Variants in PRH1 observed in about 807,000 individuals in gnomAD.
PRH1 encodes the protein salivary acidic proline-rich phosphoprotein 1/2.
A neutral mutation model predicts 7.9 loss-of-function variants in PRH1; 7 were observed. The ratio of observed to expected loss-of-function variants is 0.89; its 90% CI spans 0.50 to 1.67. PRH1 has a LOEUF of 1.67. PRH1 is among the 40% of genes most tolerant of loss of function. The pLI is 0.00. For synonymous variants in PRH1, 45 were observed against 80.8 expected (o/e 0.56, Z 2.38); for missense variants, 109 against 223.6 (o/e 0.49, Z 3.27).
At chr12:11,106,324 G>C (rs1398920001) in intron 1 of PRH1, among the ~76,000 whole-genome samples, 1 of 152,138 alleles carries the variant, frequency 6.6e-6, no homozygotes, top group Admixed American at 6.5e-5. Flanking sequence ...AGAAGAAATT[G>C]TTGTCCTATA....
intron 2 of PRH1, among the ~76,000 whole-genome samples, chr12:10,901,314 C>G (rs1591659996): frequency 1.3e-5 from 2 of 152,208 alleles, no homozygotes; most frequent in East Asian, 3.8e-4. Flanking sequence ...AGAGCCCCCA[C>G]TCTCCTGGAT....
At chr12:11,147,704 T>C (rs930789867) in intron 1 of PRH1, among the ~76,000 whole-genome samples, 3 of 152,238 alleles carry the variant, frequency 2.0e-5, no homozygotes, top group African/African-American at 7.2e-5. Context: ...TTTATATTGC[T>C]TGTCCTATTA....
At chr12:10,895,447 G>A (rs1312004925) in intron 2 of PRH1, 2 of 152,178 alleles carry the variant, frequency 1.3e-5, no homozygotes, top group African/African-American at 4.8e-5. Flanking sequence ...CCTTCAGAAT[G>A]GAAGTTGTGC....
intron 1 of PRH1, among the ~76,000 whole-genome samples, chr12:11,063,923 GAAT>G (rs1242826903): frequency 4.6e-5 from 7 of 151,876 alleles, no homozygotes; most frequent in African/African-American, 9.7e-5. Context: ...ATAATGAGAT[GAAT>G]AATAATAATT....
intron 1 of PRH1, among the ~76,000 whole-genome samples, chr12:11,099,380 C>A (rs994847389): frequency 6.6e-6 from 1 of 151,984 alleles, no homozygotes; most frequent in Non-Finnish European, 1.5e-5. Context: ...TCCAAGATGC[C>A]GAATTTGGCC....
At chr12:11,035,163 T>A (rs997157973) in intron 1 of PRH1, among the ~76,000 whole-genome samples, 3 of 151,984 alleles carry the variant, frequency 2.0e-5, no homozygotes, top group African/African-American at 7.2e-5. Context: ...GTTTTAGTTA[T>A]CGTGTCTGAA....
intron 1 of PRH1, among the ~76,000 whole-genome samples, chr12:11,069,067 A>G (rs796870911): frequency 0.51 from 55,342 of 109,270 alleles, 12,107 homozygotes; most frequent in Non-Finnish European, 0.59. Context: ...GCAGGTGGAC[A>G]CCACCTCACC....
chr12:10,948,515 T>A (rs1412525915), intron 2 of PRH1, among the ~76,000 whole-genome samples: 6 of 152,206 alleles, frequency 3.9e-5, no homozygotes, highest in Non-Finnish European at 8.8e-5. Context: ...TATTTCATCC[T>A]TCAGCTCCTG....
downstream of PRH1, among the ~76,000 whole-genome samples, chr12:11,117,732 T>C (rs140832746): frequency 1.3e-5 from 2 of 152,190 alleles, no homozygotes; most frequent in African/African-American, 4.8e-5. Context: ...CATAGAACGA[T>C]GGAACAGAAC....
At chr12:10,899,579 T>G in intron 2 of PRH1, among the ~76,000 whole-genome samples, 1 of 152,200 alleles carries the variant, frequency 6.6e-6, no homozygotes, top group East Asian at 1.9e-4. Flanking sequence ...GATGCCCCTT[T>G]GGTTTATTCT....
intron 1 of PRH1, among the ~76,000 whole-genome samples, chr12:10,993,554 T>C (rs944216907): frequency 6.6e-6 from 1 of 152,164 alleles, no homozygotes; most frequent in Non-Finnish European, 1.5e-5. Flanking sequence ...TGAAACACCC[T>C]TTTAAAGTAA....
At chr12:10,947,077 T>C (rs944600369) in intron 2 of PRH1, among the ~76,000 whole-genome samples, 4 of 152,164 alleles carry the variant, frequency 2.6e-5, no homozygotes, top group African/African-American at 9.7e-5. Context: ...GTATGTGCCA[T>C]GTGGCTATGA....
intron 1 of PRH1, among the ~76,000 whole-genome samples, chr12:11,001,970 A>T (rs1310553615): frequency 6.6e-6 from 1 of 152,148 alleles, no homozygotes; most frequent in Admixed American, 6.6e-5. Context: ...CTAATTAAGG[A>T]ATTTTATTAA....
intron 2 of PRH1, among the ~76,000 whole-genome samples, chr12:10,904,098 C>G (rs1327610357): frequency 1.3e-5 from 2 of 151,144 alleles, no homozygotes; most frequent in East Asian, 3.9e-4. Flanking sequence ...TTGTACGGCC[C>G]AAAGCAATTT....
At chr12:11,062,392 T>C (rs1423167245) in intron 1 of PRH1, 2 of 1,338,792 alleles carry the variant, frequency 1.5e-6, no homozygotes, top group Non-Finnish European at 2.0e-6. Flanking sequence ...TGCACCTGAT[T>C]TGTGTATGTG....
chr12:11,064,346 C>T (rs1236358905), intron 1 of PRH1, among the ~76,000 whole-genome samples: 2 of 152,090 alleles, frequency 1.3e-5, no homozygotes, highest in East Asian at 1.9e-4. Flanking sequence ...GTTGCAAGTA[C>T]ATGTGATTTT....
chr12:10,937,794 C>G (rs3851585), intron 2 of PRH1: 3,011 of 152,596 alleles, frequency 0.02, 35 homozygotes, highest in South Asian at 0.031. Flanking sequence ...AAGCAAATTA[C>G]TTTTTTGCAT....
chr12:10,917,942 C>A (rs1949995494), intron 2 of PRH1, among the ~76,000 whole-genome samples: 1 of 152,198 alleles, frequency 6.6e-6, no homozygotes, highest in South Asian at 2.1e-4. Flanking sequence ...AAAGCCCTCA[C>A]CAGAAGCTGA....
In PRH1 at chr12:11,061,916, T is replaced by C. The variant is rs370679216; in HGVS notation, n.124-14728A>G. 9 of 1,613,804 alleles carry C rather than the reference T, an allele frequency of 5.6e-6. No individual in the cohort carries two copies. The African/African-American group carries it at 1.1e-4, about 19-fold the overall frequency. ...CCCAATAGTATCACCAGAACAACAC[T>C]CTTAACTCTCCTCTTTAAGTGAAGA... On this transcript the variant is annotated intron_variant and non_coding_transcript_variant, in intron 1 of 4. Transcript: ENST00000541977.
Sources: allele counts gnomAD v4.1 joint callset (sites outside exome capture counted in the v4.1 genomes callset), GRCh38; gene constraint gnomAD v4.1.1; transcripts MANE v1.5; gene names NCBI Gene and HGNC (gene_info 2026-07-23, HGNC 2026-07-21).